MGST1: variants seen among roughly 807,000 people sequenced by gnomAD.
The protein encoded by MGST1 is microsomal glutathione S-transferase 1, also known as glutathione S-transferase 12.
In MGST1, 5 loss-of-function variants were observed where a neutral mutation model predicts 8.9. The observed-to-expected ratio is 0.56, with a 90% CI of 0.29 to 1.19. The LOEUF (loss-of-function observed/expected upper bound fraction) is 1.19. Among genes scored for constraint, MGST1 ranks in the 50% most tolerant of loss-of-function variants. The pLI is 0.08. For missense variants in MGST1, 182 were observed against 187.4 expected, an observed-to-expected ratio of 0.97 and a Z score of 0.17; for synonymous variants, 54 against 67.8, an observed-to-expected ratio of 0.80 and a Z score of 1.00.
At position 16,585,847 on chromosome 12, in the gene MGST1, A is replaced by G. The variant is rs1037225624; in HGVS notation, n.483-3681A>G. ...CCAGGAAACAAAGAAAAGAGGGAAA[A>G]TGTCAACATGTATATGATTCACAGG... is the stretch of plus-strand genomic sequence containing the variant. On this transcript the variant is annotated intron_variant and non_coding_transcript_variant, in intron 4 of 4. Coordinates refer to the MGST1 transcript ENST00000538857. The surrounding 1 kb of genome is among the most constrained non-coding windows in gnomAD (Gnocchi z 4.7). Among the ~76,000 whole-genome samples, 1 of 152,214 alleles carries G rather than the reference A, an allele frequency of 6.6e-6. No individual in the cohort carries two copies. Among genetic ancestry groups the G allele is most frequent in the African/African-American group, 2.4e-5 (1 of 41,450 alleles).
rs992462716 is a variant in MGST1, at chr12:16,413,409, G to T, written n.779-23979G>T. On this transcript the variant is annotated intron_variant and non_coding_transcript_variant, in intron 1 of 1. Coordinates refer to the MGST1 transcript ENST00000359720. This position sits in a 1 kb window ranked among gnomAD's most constrained non-coding sequence, Gnocchi z 4.0. ...CAAGATTTTGCTAACTCTCATCCAA[G>T]CAGCCCCATTGTGAACAGAACACTC... Among the ~76,000 whole-genome samples the T allele has an allele frequency of 6.6e-6, 1 of 152,178 alleles. No homozygotes were observed. The highest frequency in any genetic ancestry group is 1.9e-4 in the East Asian group (1 of 5,196).
chr12:16,351,198 G>T (rs139870021), intron 1 of MGST1, among the ~76,000 whole-genome samples: 3 of 152,018 alleles, frequency 2.0e-5, no homozygotes, highest in African/African-American at 7.3e-5. Context: ...AACTTCACAC[G>T]CTTGCTGTAT....
intron 4 of MGST1, among the ~76,000 whole-genome samples, chr12:16,574,389 C>CT (rs755861993): frequency 5.3e-5 from 8 of 152,154 alleles, no homozygotes; most frequent in Non-Finnish European, 1.0e-4. Flanking sequence ...TGCTTTTGAA[C>CT]TTTGAGTCCC....
intron 4 of MGST1, among the ~76,000 whole-genome samples, chr12:16,509,453 T>C (rs1358280465): frequency 6.6e-6 from 1 of 152,200 alleles, no homozygotes; most frequent in African/African-American, 2.4e-5. Flanking sequence ...GACATTCAGC[T>C]ACAAGAAGAG....
At chr12:16,523,195 G>C (rs61374093) in intron 4 of MGST1, among the ~76,000 whole-genome samples, 1 of 151,842 alleles carries the variant, frequency 6.6e-6, no homozygotes, top group Non-Finnish European at 1.5e-5. Flanking sequence ...AACCACTTAC[G>C]GGTTTGATTG....
At position 16,511,870 on chromosome 12, in the gene MGST1, T is replaced by C. The variant is rs1460067098; in HGVS notation, n.483-77658T>C. Among the ~76,000 whole-genome samples the C allele has an allele frequency of 2.0e-5, 3 of 152,210 alleles. No homozygotes were observed. The East Asian group carries it at 5.8e-4, about 29-fold the overall frequency. ...ATATATGCTAATATCCACTCTGGACTAGCTGAGATCACCAATTTCATTTCT... is the reference window on the plus strand; with the variant it reads ...ATATATGCTAATATCCACTCTGGACCAGCTGAGATCACCAATTTCATTTCT... On this transcript the variant is annotated intron_variant and non_coding_transcript_variant, in intron 4 of 4. Coordinates refer to the MGST1 transcript ENST00000538857.
intron 4 of MGST1, among the ~76,000 whole-genome samples, chr12:16,540,507 T>A (rs554843778): frequency 2.4e-4 from 36 of 152,316 alleles, no homozygotes; most frequent in Admixed American, 2.2e-3. Context: ...GATGAAATAC[T>A]CTTGAGATGA....
intron 4 of MGST1, among the ~76,000 whole-genome samples, chr12:16,526,432 T>C (rs765357760): frequency 6.6e-6 from 1 of 151,984 alleles, no homozygotes; most frequent in Non-Finnish European, 1.5e-5. Flanking sequence ...GCTGGGGAGA[T>C]ATAAACTTTC....
At chr12:16,588,514 G>T (rs925429783) in intron 4 of MGST1, among the ~76,000 whole-genome samples, 1 of 152,002 alleles carries the variant, frequency 6.6e-6, no homozygotes, top group Non-Finnish European at 1.5e-5. Context: ...AACAGGGAGA[G>T]CATGGATATA....
chr12:16,443,918 C>A (rs1201232473), intron 4 of MGST1, among the ~76,000 whole-genome samples: 2 of 151,920 alleles, frequency 1.3e-5, no homozygotes, highest in African/African-American at 4.8e-5. Flanking sequence ...ACTGTCACTG[C>A]CCTTTTAAGA....
intron 4 of MGST1, among the ~76,000 whole-genome samples, chr12:16,572,339 CTTTT>C (rs59773866): frequency 7.8e-5 from 7 of 89,528 alleles, no homozygotes; most frequent in East Asian, 3.5e-4. Flanking sequence ...GGTCCAAACT[CTTTT>C]TTTTTTTTTT....
intron 4 of MGST1, among the ~76,000 whole-genome samples, chr12:16,472,340 T>C (rs1941294092): frequency 6.6e-6 from 1 of 152,146 alleles, no homozygotes; most frequent in Non-Finnish European, 1.5e-5. Flanking sequence ...TGGGATAATA[T>C]GTTTGTAAAC....
intron 1 of MGST1, chr12:16,400,941 C>T (rs1940649806): frequency 7.5e-7 from 1 of 1,326,730 alleles, no homozygotes; most frequent in Non-Finnish European, 1.1e-6. Flanking sequence ...CCCTTTTGTT[C>T]AGTCAGTCAC....
chr12:16,571,469 G>GA (rs546905898), intron 4 of MGST1, among the ~76,000 whole-genome samples: 2 of 152,038 alleles, frequency 1.3e-5, no homozygotes, highest in South Asian at 4.1e-4. Flanking sequence ...ACAATCATTT[G>GA]AAAAAATATA....
intron 1 of MGST1, among the ~76,000 whole-genome samples, chr12:16,419,691 AG>A (rs1355668202): frequency 2.6e-5 from 4 of 152,212 alleles, no homozygotes; most frequent in Non-Finnish European, 4.4e-5. Context: ...ATATCTTTCC[AG>A]TGATTTTAAA....
Position 16,482,314 on chromosome 12 carries a change from A to G in MGST1, n.482+98710A>G, listed in dbSNP as rs1452102262. 6.6e-6 allele frequency among the ~76,000 whole-genome samples: 1 copy of G among 152,156 alleles called. No individual in the cohort carries two copies. The highest frequency in any genetic ancestry group is 2.4e-5 in the African/African-American group (1 of 41,456). ...TAGATTTTTCTGTGAGAAAAAGAAA[A>G]GGAATGTTTGATCTGAAGTATAAAA... On this transcript the variant is annotated intron_variant and non_coding_transcript_variant, in intron 4 of 4. Transcript: ENST00000538857. This position sits in a 1 kb window ranked among gnomAD's most constrained non-coding sequence, Gnocchi z 4.2.
chr12:16,552,192 C>T (rs1337838126), intron 4 of MGST1, among the ~76,000 whole-genome samples: 2 of 151,934 alleles, frequency 1.3e-5, no homozygotes, highest in Non-Finnish European at 2.9e-5. Flanking sequence ...TTTTCTGTTT[C>T]TGGTACATTT....
rs1170134664 is a variant in MGST1 at position 16,555,110 on chromosome 12, T to C, written n.483-34418T>C. ...TTTGAGTATTAAACGAATGAGTACA[T>C]GTAAAACACTCAGAACGGTGTTTGG... On this transcript the variant is annotated intron_variant and non_coding_transcript_variant, in intron 4 of 4. Coordinates refer to the MGST1 transcript ENST00000538857. This position sits in a 1 kb window ranked among gnomAD's most constrained non-coding sequence, Gnocchi z 5.5. 6.6e-6 allele frequency among the ~76,000 whole-genome samples: 1 copy of C among 152,248 alleles called. No homozygotes were observed. Among genetic ancestry groups the C allele is most frequent in the East Asian group, 1.9e-4 (1 of 5,204 alleles).
intron 1 of MGST1, among the ~76,000 whole-genome samples, chr12:16,407,856 ACC>A (rs1373801760): frequency 6.6e-6 from 1 of 151,892 alleles, no homozygotes; most frequent in Non-Finnish European, 1.5e-5. Flanking sequence ...ACGTGGTGAA[ACC>A]CTGTCTCTAC....
Sources: allele counts gnomAD v4.1 joint callset (sites outside exome capture counted in the v4.1 genomes callset), GRCh38; gene constraint gnomAD v4.1.1; non-coding constraint Gnocchi (gnomAD v3.1); transcripts MANE v1.5; gene names NCBI Gene and HGNC (gene_info 2026-07-23, HGNC 2026-07-21).